Variants in ENTREP2 observed in about 807,000 individuals in gnomAD.
The protein encoded by ENTREP2 is protein ENTREP2.
the ENTREP2 span, among the ~76,000 whole-genome samples, chr15:29,333,234 A>G: frequency 1.3e-5 from 2 of 152,188 alleles, no homozygotes; most frequent in Admixed American, 6.5e-5. Context: ...GTCTGTCTTT[A>G]GAGCAGAACT....
the ENTREP2 span, among the ~76,000 whole-genome samples, chr15:29,402,306 G>A: frequency 7.1e-6 from 1 of 141,372 alleles, no homozygotes; most frequent in African/African-American, 2.6e-5. Context: ...GTGTGTGTGT[G>A]TGTGTGTGTG....
chr15:29,619,500 T>C, the ENTREP2 span, among the ~76,000 whole-genome samples: 1 of 152,096 alleles, frequency 6.6e-6, no homozygotes, highest in Non-Finnish European at 1.5e-5. Flanking sequence ...AAATATCCCA[T>C]GGCTGGTCAT....
chr15:29,441,551 C>G, the ENTREP2 span, among the ~76,000 whole-genome samples: 4 of 152,042 alleles, frequency 2.6e-5, no homozygotes, highest in Non-Finnish European at 5.9e-5. Context: ...GACAGTTATG[C>G]GCACGTGTGT....
At chr15:29,240,900 TATC>T in the ENTREP2 span, among the ~76,000 whole-genome samples, 573 of 152,156 alleles carry the variant, frequency 3.8e-3, 1 homozygote, top group African/African-American at 0.013. Flanking sequence ...GCGACCATCA[TATC>T]ATCATCATCA....
the ENTREP2 span, among the ~76,000 whole-genome samples, chr15:29,367,992 C>T: frequency 2.0e-4 from 28 of 137,944 alleles, no homozygotes; most frequent in African/African-American, 7.9e-4. Flanking sequence ...AAGCATGGCC[C>T]ATATTCAGGC....
chr15:29,361,878 C>T, the ENTREP2 span, among the ~76,000 whole-genome samples: 1 of 152,224 alleles, frequency 6.6e-6, no homozygotes, highest in South Asian at 2.1e-4. Context: ...AAATTCTTCC[C>T]CTCTTCTGGA....
the ENTREP2 span, among the ~76,000 whole-genome samples, chr15:29,223,082 A>C: frequency 9.9e-5 from 15 of 152,270 alleles, no homozygotes; most frequent in Admixed American, 9.8e-4. Flanking sequence ...AGAACAAATC[A>C]AACAAAGAAG....
At chr15:29,153,766 T>A in the ENTREP2 span, among the ~76,000 whole-genome samples, 5 of 152,238 alleles carry the variant, frequency 3.3e-5, no homozygotes, top group African/African-American at 1.2e-4. Context: ...TCCCATTTTT[T>A]TCTGAAAGTT....
chr15:29,312,954 C>T, the ENTREP2 span, among the ~76,000 whole-genome samples: 9 of 152,104 alleles, frequency 5.9e-5, no homozygotes, highest in African/African-American at 9.7e-5. Flanking sequence ...GAAAAGTTCT[C>T]GAAGGAAATT....
At chr15:29,515,311 A>T in the ENTREP2 span, among the ~76,000 whole-genome samples, 1 of 152,200 alleles carries the variant, frequency 6.6e-6, no homozygotes, top group Non-Finnish European at 1.5e-5. Context: ...CCCAGGAACC[A>T]GGAGTGCTGA....
chr15:29,419,001 T>C, the ENTREP2 span, among the ~76,000 whole-genome samples: 3 of 152,186 alleles, frequency 2.0e-5, no homozygotes, highest in Non-Finnish European at 4.4e-5. Context: ...ATAAAAATTG[T>C]AATTAGGAAA....
chr15:29,556,342 A>G, the ENTREP2 span, among the ~76,000 whole-genome samples: 1 of 152,178 alleles, frequency 6.6e-6, no homozygotes, highest in Non-Finnish European at 1.5e-5. Flanking sequence ...ACAGTGCAGT[A>G]CGGTTTGGAA....
the ENTREP2 span, chr15:29,123,114 G>T: frequency 1.9e-6 from 1 of 518,864 alleles, no homozygotes; most frequent in Non-Finnish European, 3.4e-6. Flanking sequence ...CCGAATTACT[G>T]GGCTAGGCAG....
chr15:29,535,600 A>G, the ENTREP2 span, among the ~76,000 whole-genome samples: 2 of 152,176 alleles, frequency 1.3e-5, no homozygotes, highest in African/African-American at 4.8e-5. Context: ...TGAAGCAGGA[A>G]GATCACTCGA....
chr15:29,224,385 G>A, the ENTREP2 span, among the ~76,000 whole-genome samples: 1 of 152,228 alleles, frequency 6.6e-6, no homozygotes, highest in South Asian at 2.1e-4. Context: ...CTTGTGGAAG[G>A]GAACTGCGCC....
chr15:29,581,137 A>G, the ENTREP2 span, among the ~76,000 whole-genome samples: 6 of 152,262 alleles, frequency 3.9e-5, no homozygotes, highest in South Asian at 1.2e-3. Flanking sequence ...CAAGTAATGA[A>G]ATTTCAGAAA....
chr15:29,404,407 C>T, the ENTREP2 span, among the ~76,000 whole-genome samples: 1 of 152,008 alleles, frequency 6.6e-6, no homozygotes, highest in African/African-American at 2.4e-5. Context: ...TCCTGCTCCC[C>T]TTTCCCCTCA....
the ENTREP2 span, among the ~76,000 whole-genome samples, chr15:29,363,781 A>C: frequency 3.3e-4 from 50 of 152,244 alleles, no homozygotes; most frequent in Non-Finnish European, 6.2e-4. Context: ...GGCTATGACA[A>C]GAATCGAGCA....
chr15:29,407,686 G>A, the ENTREP2 span, among the ~76,000 whole-genome samples: 2 of 151,880 alleles, frequency 1.3e-5, no homozygotes, highest in African/African-American at 4.8e-5. Context: ...TTGGGTTGGG[G>A]GGAGCCCGAG....
Sources: allele counts gnomAD v4.1 joint callset (sites outside exome capture counted in the v4.1 genomes callset), GRCh38; gene constraint gnomAD v4.1.1; transcripts MANE v1.5; gene names NCBI Gene and HGNC (gene_info 2026-07-23, HGNC 2026-07-21).